The following GP9 variants were observed in gnomAD, a reference collection of about 807,000 sequenced individuals.
GP9 encodes glycoprotein IX platelet, also known as platelet glycoprotein IX.
For synonymous variants in GP9, 116 were observed against 116.7 expected, an observed-to-expected ratio of 0.99 and a Z score of 0.04; for missense variants, 228 against 241.8, an observed-to-expected ratio of 0.94 and a Z score of 0.38.
At chr3:129,058,822 C>T (rs76408312), upstream of GP9, among the ~76,000 whole-genome samples, 18 of 152,356 alleles carry the variant, frequency 1.2e-4, 1 homozygote, top group East Asian at 2.7e-3. Context: ...TTCAATAAAG[C>T]GGCTTTCTTC....
Position 129,061,877 on chromosome 3 carries a change from G to C in GP9, c.138G>C (p.Leu46=), listed in dbSNP as rs1452018721. Reference sequence around the variant, plus strand: ...GCAGGGGCCACGGACTCACGGCCCTGCCTGCCCTGCCGGCCCGCACCCGCC... The same window carrying C: ...GCAGGGGCCACGGACTCACGGCCCTCCCTGCCCTGCCGGCCCGCACCCGCC... ...VDCRGHGLTA[L]PALPARTRHL... The change falls in exon 3 of 3, where the codon CTG becomes CTC. Residue 46 remains leucine (L), a synonymous_variant. Transcript: ENST00000307395. The C allele has an allele frequency of 6.2e-7, 1 of 1,613,020 alleles. No individual in the cohort carries two copies. The highest frequency in any genetic ancestry group is 1.7e-5 in the Admixed American group (1 of 59,962).
upstream of GP9, among the ~76,000 whole-genome samples, chr3:129,056,720 G>A (rs73862909): frequency 0.016 from 2,448 of 152,282 alleles, 59 homozygotes; most frequent in African/African-American, 0.055. Flanking sequence ...AGGGCTTCCC[G>A]TAAGAAGTTA....
At chr3:129,056,238 G>A (rs145625304), upstream of GP9, among the ~76,000 whole-genome samples, 143 of 152,328 alleles carry the variant, frequency 9.4e-4, no homozygotes, top group African/African-American at 3.0e-3. Flanking sequence ...CCGGGGTGAC[G>A]GAGACCTGCA....
At chr3:129,057,079 A>T (rs1946527954), upstream of GP9, among the ~76,000 whole-genome samples, 2 of 152,238 alleles carry the variant, frequency 1.3e-5, no homozygotes, top group Admixed American at 1.3e-4. Context: ...AGCAAGGCTG[A>T]CAAGTATGTA....
At chr3:129,056,323 G>A (rs572140267), upstream of GP9, among the ~76,000 whole-genome samples, 6 of 152,306 alleles carry the variant, frequency 3.9e-5, no homozygotes, top group East Asian at 1.2e-3. Context: ...CCCATTTCCT[G>A]TTGGTTGCAC....
chr3:129,055,577 G>C, the GP9 span, among the ~76,000 whole-genome samples: 1 of 152,038 alleles, frequency 6.6e-6, no homozygotes, highest in Non-Finnish European at 1.5e-5. Context: ...AATCACAAGA[G>C]ACAAAAATCC....
upstream of GP9, among the ~76,000 whole-genome samples, chr3:129,055,970 A>T (rs1246017771): frequency 6.6e-6 from 1 of 152,088 alleles, no homozygotes; most frequent in Non-Finnish European, 1.5e-5. Context: ...CTTCCCTGAC[A>T]GTGTGCCAGT....
At chr3:129,059,423 G>C (rs1465936368), upstream of GP9, among the ~76,000 whole-genome samples, 2 of 152,180 alleles carry the variant, frequency 1.3e-5, no homozygotes, top group African/African-American at 4.8e-5. Flanking sequence ...GGCAGAGGAG[G>C]TGGAACATGC....
Position 129,062,215 on chromosome 3 carries a change from C to T in GP9, c.476C>T (p.Ala159Val), listed in dbSNP as rs1275173565. ...GACGTGGCGCTGGTCGCCGTGGCCG[C>T]GCTGGGCCTGGCTCTTCTGGCTGGC... ...LWDVALVAVA[A>V]LGLALLAGLL... is the part of the protein sequence containing the mutation. Residue 159 changes from alanine (A) to valine (V), a missense_variant, in exon 3 of 3, where the codon GCG becomes GTG. Coordinates refer to ENST00000307395, the MANE Select transcript of GP9 (RefSeq NM_000174.5). The T allele has an allele frequency of 5.8e-6, 9 of 1,564,924 alleles. No individual in the cohort carries two copies. Among genetic ancestry groups the T allele is most frequent in the Middle Eastern group, 2.1e-4 (1 of 4,782 alleles).
chr3:129,060,827 A>G lies in GP9; in HGVS notation c.-162A>G, dbSNP rs1363950860. 1 of 152,694 alleles carries G rather than the reference A, an allele frequency of 6.5e-6. No individual in the cohort carries two copies. The allele number at this position is 152,694 out of a possible 1,614,324, so 9.5% of individuals were successfully genotyped here. A position where few individuals can be genotyped will look rare whatever the true frequency, so the allele number is the denominator to read the frequency against. ...GCCAGGACCTTTCAGGCCAGACAGG[A>G]GCACCTGACCAAAGGCTTCACAGGT... On this transcript the variant is annotated 5_prime_UTR_variant, in exon 1 of 3. Transcript: ENST00000307395.
upstream of GP9, among the ~76,000 whole-genome samples, chr3:129,056,947 T>C (rs1946527031): frequency 6.6e-6 from 1 of 152,066 alleles, no homozygotes; most frequent in Admixed American, 6.5e-5. Context: ...CAGGGAGCCA[T>C]GAAAGACATG....
chr3:129,061,456 C>A (rs910069436), intron 1 of GP9, 38 bp from the exon 2 acceptor site: 83 of 553,428 alleles, frequency 1.5e-4, no homozygotes, highest in Non-Finnish European at 2.4e-4. Context: ...CCAGGAAGTC[C>A]CTTCCCCTTC....
the GP9 span, among the ~76,000 whole-genome samples, chr3:129,055,004 T>C: frequency 6.6e-6 from 1 of 152,234 alleles, no homozygotes; most frequent in African/African-American, 2.4e-5. Flanking sequence ...GGCATGGCCT[T>C]AGGTTCTGTT....
At chr3:129,056,977 T>A (rs576752951), upstream of GP9, among the ~76,000 whole-genome samples, 1 of 152,112 alleles carries the variant, frequency 6.6e-6, no homozygotes, top group South Asian at 2.1e-4. Context: ...TGTAGTGAGA[T>A]TAAACCTGTA....
upstream of GP9, among the ~76,000 whole-genome samples, chr3:129,055,809 TA>T (rs1946514540): frequency 1.3e-5 from 2 of 152,142 alleles, no homozygotes; most frequent in Admixed American, 1.3e-4. Context: ...CACGCCCAGC[TA>T]AATTTTGTAT....
At chr3:129,058,747 C>G (rs1311570013), upstream of GP9, among the ~76,000 whole-genome samples, 1 of 152,274 alleles carries the variant, frequency 6.6e-6, no homozygotes, top group Non-Finnish European at 1.5e-5. Context: ...CACTACTGCT[C>G]TGGGCACACT....
upstream of GP9, among the ~76,000 whole-genome samples, chr3:129,056,283 A>T (rs1946521187): frequency 6.6e-6 from 1 of 152,316 alleles, no homozygotes; most frequent in East Asian, 1.9e-4. Context: ...GCTCTGTTCC[A>T]AGGGGGTCCA....
At chr3:129,061,351 C>T (rs930156641) in intron 1 of GP9, 143 bp from the exon 2 acceptor site, 5 of 348,998 alleles carry the variant, frequency 1.4e-5, no homozygotes, top group Non-Finnish European at 2.7e-5. Flanking sequence ...AAGGCTCTTT[C>T]CTAGTCTCTG....
upstream of GP9, among the ~76,000 whole-genome samples, chr3:129,056,369 T>A (rs1946521637): frequency 6.6e-6 from 1 of 152,196 alleles, no homozygotes; most frequent in Non-Finnish European, 1.5e-5. Flanking sequence ...TCACTGCCTC[T>A]TAATCCCCTC....
Sources: gnomAD v4.1 joint callset for allele counts (sites outside exome capture counted in the v4.1 genomes callset) on GRCh38, gnomAD v4.1.1 for gene constraint, MANE v1.5 for transcripts, NCBI Gene and HGNC (gene_info 2026-07-23, HGNC 2026-07-21) for gene names.